SOBP: variants seen among roughly 807,000 people sequenced by gnomAD.
SOBP encodes the protein sine oculis-binding protein homolog.
A neutral mutation model predicts 53.6 loss-of-function variants in SOBP; 4 were observed. That is an observed-to-expected ratio of 0.07 (90% CI 0.04 to 0.17). The LOEUF is 0.17. Ranked by LOEUF, SOBP falls within the 10% of genes least tolerant of loss-of-function variation. SOBP has a pLI of 1.00. For missense variants in SOBP, 1,088 were observed against 1,204.7 expected, an observed-to-expected ratio of 0.90 and a Z score of 1.43; for synonymous variants, 584 against 522.6, an observed-to-expected ratio of 1.12 and a Z score of -1.60.
chr6:107,491,793 T>G (rs1395034813), intron 1 of SOBP, among the ~76,000 whole-genome samples: 7 of 152,218 alleles, frequency 4.6e-5, no homozygotes, highest in Admixed American at 4.6e-4. Context: ...TACTACTACT[T>G]GGCCAGTTTT....
intron 6 of SOBP, among the ~76,000 whole-genome samples, chr6:107,655,592 A>AAT (rs1270018810): frequency 6.6e-6 from 1 of 152,296 alleles, no homozygotes; most frequent in African/African-American, 2.4e-5. Flanking sequence ...GGCTGCGAAA[A>AAT]ATAGAGTGTG....
chr6:107,515,255 C>T (rs1765745552), intron 3 of SOBP, among the ~76,000 whole-genome samples: 1 of 151,936 alleles, frequency 6.6e-6, no homozygotes, highest in African/African-American at 2.4e-5. Flanking sequence ...TAGATGGCTT[C>T]AATGGTAAAT....
chr6:107,496,813 A>G (rs1782709770), intron 1 of SOBP, among the ~76,000 whole-genome samples: 1 of 152,232 alleles, frequency 6.6e-6, no homozygotes, highest in Non-Finnish European at 1.5e-5. Context: ...CAGTGGGATC[A>G]TGAAAGAGGA....
intron 6 of SOBP, among the ~76,000 whole-genome samples, chr6:107,653,457 G>A (rs1209926789): frequency 2.0e-5 from 3 of 152,242 alleles, no homozygotes; most frequent in Admixed American, 1.3e-4. Flanking sequence ...ATGGGCAGAC[G>A]TGCCCGAGTG....
intron 5 of SOBP, among the ~76,000 whole-genome samples, chr6:107,605,234 T>C (rs188961636): frequency 6.6e-6 from 1 of 152,320 alleles, no homozygotes; most frequent in African/African-American, 2.4e-5. Context: ...CCAGTGGGAA[T>C]AGAGCAAGTC....
At chr6:107,500,568 C>T (rs890161047) in intron 1 of SOBP, among the ~76,000 whole-genome samples, 2 of 151,758 alleles carry the variant, frequency 1.3e-5, no homozygotes, top group Non-Finnish European at 2.9e-5. Context: ...GTCGCCCAGG[C>T]TGGAGTGCAG....
chr6:107,561,375 A>G (rs1784766420), intron 4 of SOBP, among the ~76,000 whole-genome samples: 5 of 152,296 alleles, frequency 3.3e-5, no homozygotes, highest in Admixed American at 2.0e-4. Context: ...ATGTGTGGAC[A>G]ATTTCTCCAA....
chr6:107,592,814 C>T lies in SOBP; in HGVS notation c.669+5639C>T, dbSNP rs145104265. On this transcript the variant is annotated intron_variant, in intron 5 of 6. Transcript: ENST00000317357. Reference sequence around the variant, plus strand: ...TTTTCCCCAGCCATCTCCCAGATCCCTTTAGTTTGTGGTTATTCCTGTATT... The same window carrying T: ...TTTTCCCCAGCCATCTCCCAGATCCTTTTAGTTTGTGGTTATTCCTGTATT... Among the ~76,000 whole-genome samples the T allele has an allele frequency of 6.4e-4, 97 of 152,320 alleles. 3 individuals carry two copies. In the East Asian group the frequency reaches 0.018, roughly 29 times the overall value.
In SOBP at chr6:107,623,516, CAG is replaced by C. The variant is rs147123191; in HGVS notation, c.670-9997_670-9996del. On this transcript the variant is annotated intron_variant, in intron 5 of 6. Coordinates refer to ENST00000317357, the MANE Select transcript of SOBP (RefSeq NM_018013.4). ...ATAAAGAAGGGTACCAATCCCAAGT[CAG>C]GGGGAGAGAGAGAGAGATAGGCAGA... is the stretch of plus-strand genomic sequence containing the variant. 3.7e-3 allele frequency among the ~76,000 whole-genome samples: 559 copies of C among 152,194 alleles called. 6 individuals carry two copies. Among genetic ancestry groups the C allele is most frequent in the African/African-American group, 0.012 (515 of 41,526 alleles).
chr6:107,544,952 A>G (rs1784255437), intron 4 of SOBP, among the ~76,000 whole-genome samples: 1 of 152,218 alleles, frequency 6.6e-6, no homozygotes, highest in South Asian at 2.1e-4. Flanking sequence ...GAGAGTATGC[A>G]GCTTGTAACT....
At chr6:107,586,257 A>AAGATG (rs1186207102) in intron 4 of SOBP, among the ~76,000 whole-genome samples, 5 of 152,232 alleles carry the variant, frequency 3.3e-5, no homozygotes, top group Admixed American at 6.5e-5. Context: ...AGTTAGGGCT[A>AAGATG]AGATGAGATG....
chr6:107,607,631 A>C (rs528531504), intron 5 of SOBP, among the ~76,000 whole-genome samples: 1 of 152,352 alleles, frequency 6.6e-6, no homozygotes, highest in East Asian at 1.9e-4. Context: ...TGAACTCAGA[A>C]AGAGCTGATC....
intron 6 of SOBP, among the ~76,000 whole-genome samples, chr6:107,648,428 G>A (rs564134286): frequency 5.2e-5 from 6 of 114,354 alleles, no homozygotes; most frequent in Non-Finnish European, 1.3e-4. Context: ...TGTAGTCACA[G>A]TGGGGAGAGG....
chr6:107,646,851 C>T (rs1020530610), intron 6 of SOBP, among the ~76,000 whole-genome samples: 2 of 152,128 alleles, frequency 1.3e-5, no homozygotes, highest in African/African-American at 4.8e-5. Flanking sequence ...AGCTTGGGTT[C>T]GTATCCCAGC....
chr6:107,625,725 A>G (rs1264994476), intron 5 of SOBP, among the ~76,000 whole-genome samples: 2 of 152,202 alleles, frequency 1.3e-5, no homozygotes, highest in Non-Finnish European at 2.9e-5. Flanking sequence ...ACTGCTCCAG[A>G]TGCCACTGAT....
chr6:107,568,078 A>G (rs1387565489), intron 4 of SOBP, among the ~76,000 whole-genome samples: 3 of 152,170 alleles, frequency 2.0e-5, no homozygotes, highest in Admixed American at 2.0e-4. Context: ...CTGCTTAGAA[A>G]TCTCCATTAA....
At chr6:107,652,094 CAAG>C (rs768101892) in intron 6 of SOBP, among the ~76,000 whole-genome samples, 10 of 152,316 alleles carry the variant, frequency 6.6e-5, no homozygotes, top group Non-Finnish European at 1.3e-4. Context: ...GCCCATGGAT[CAAG>C]GAGGAATTTT....
At chr6:107,553,303 T>C (rs1232362787) in intron 4 of SOBP, among the ~76,000 whole-genome samples, 1 of 81,082 alleles carries the variant, frequency 1.2e-5, no homozygotes, top group Admixed American at 1.1e-4. Flanking sequence ...TATTATTTTA[T>C]TTATTTATTT....
intron 5 of SOBP, among the ~76,000 whole-genome samples, chr6:107,608,291 G>A (rs920391989): frequency 6.6e-6 from 1 of 152,098 alleles, no homozygotes; most frequent in Non-Finnish European, 1.5e-5. Flanking sequence ...GAGTTTCCTC[G>A]TTGGTGATGT....
Sources: gnomAD v4.1 joint callset for allele counts (sites outside exome capture counted in the v4.1 genomes callset) on GRCh38, gnomAD v4.1.1 for gene constraint, MANE v1.5 for transcripts, NCBI Gene and HGNC (gene_info 2026-07-23, HGNC 2026-07-21) for gene names.